USP32: variants seen among roughly 807,000 people sequenced by gnomAD.
The protein encoded by USP32 is ubiquitin specific peptidase 32.
USP32 carries 59 observed loss-of-function variants against 204.8 expected under a neutral mutation model. The observed-to-expected ratio is 0.29, with a 90% CI of 0.23 to 0.36. The LOEUF is 0.36. USP32 is among the 10% of genes least tolerant of loss of function. The pLI is 1.00. For synonymous variants in USP32, 517 were observed against 678.4 expected, an observed-to-expected ratio of 0.76 and a Z score of 3.70; for missense variants, 1,160 against 1,946.4, an observed-to-expected ratio of 0.60 and a Z score of 7.60.
rs568605333 is a variant in USP32, at chr17:60,372,678, A to G, written c.58+19204T>C. Among the ~76,000 whole-genome samples, 46 of 150,074 alleles carry G rather than the reference A, an allele frequency of 3.1e-4. No individual in the cohort carries two copies. The East Asian group carries it at 8.4e-3, about 27-fold the overall frequency. On this transcript the variant is annotated intron_variant, in intron 1 of 33. Transcript: ENST00000300896. ...AACACAGTAAGACCCCGTTCTCTAC[A>G]TTAAAAAAAAAAAAAGAAAAATTTC... is the stretch of plus-strand genomic sequence containing the variant.
intron 2 of USP32, among the ~76,000 whole-genome samples, chr17:60,316,956 T>C (rs1191048463): frequency 6.6e-6 from 1 of 152,192 alleles, no homozygotes; most frequent in African/African-American, 2.4e-5. Flanking sequence ...AAATATTGTA[T>C]GATTCCACTA....
At position 60,328,576 on chromosome 17, in the gene USP32, G is replaced by A. The variant is rs186325842; in HGVS notation, c.186+16905C>T. On this transcript the variant is annotated intron_variant, in intron 2 of 33. Coordinates refer to ENST00000300896, the MANE Select transcript of USP32 (RefSeq NM_032582.4). ...ACAAAAGCTTGGGATCCACTAAATGGCAAGGCTAAAAGAGCTATAACATAA... is the reference window on the plus strand; with the variant it reads ...ACAAAAGCTTGGGATCCACTAAATGACAAGGCTAAAAGAGCTATAACATAA... Among the ~76,000 whole-genome samples, 4 of 152,268 alleles carry A rather than the reference G, an allele frequency of 2.6e-5. 1 individual carries two copies. The highest frequency in any genetic ancestry group is 2.6e-4 in the Admixed American group (4 of 15,294).
intron 26 of USP32, among the ~76,000 whole-genome samples, chr17:60,202,443 T>TCA (rs377613629): frequency 0.15 from 21,028 of 140,538 alleles, 1,737 homozygotes; most frequent in African/African-American, 0.26. Context: ...GCTTATCAAA[T>TCA]CACACACACA....
intron 9 of USP32, chr17:60,258,042 A>G: frequency 6.3e-6 from 1 of 158,456 alleles, no homozygotes. Context: ...AGAAGAAAAA[A>G]GGGAGCAAGC....
At chr17:60,239,585 A>G (rs1434427845) in intron 11 of USP32, among the ~76,000 whole-genome samples, 1 of 152,142 alleles carries the variant, frequency 6.6e-6, no homozygotes, top group South Asian at 2.1e-4. Flanking sequence ...CTGCCTGCTC[A>G]TATCTGATGG....
chr17:60,202,052 C>G (rs1286732106), intron 26 of USP32, among the ~76,000 whole-genome samples: 1 of 152,106 alleles, frequency 6.6e-6, no homozygotes, highest in Non-Finnish European at 1.5e-5. Flanking sequence ...AGGGCTGTTT[C>G]ATTGTTTTGC....
At chr17:60,393,956 T>C (rs1479872683), upstream of USP32, among the ~76,000 whole-genome samples, 1 of 152,200 alleles carries the variant, frequency 6.6e-6, no homozygotes, top group Non-Finnish European at 1.5e-5. Context: ...AGTGCTGGGA[T>C]TACAGGCGTG....
intron 2 of USP32, among the ~76,000 whole-genome samples, chr17:60,328,065 C>A (rs2088289149): frequency 6.6e-6 from 1 of 152,326 alleles, no homozygotes; most frequent in East Asian, 1.9e-4. Flanking sequence ...GGGGGCAGGT[C>A]CCCACTGAGG....
rs1025396343 is a variant in USP32, at chr17:60,362,567, A to G, written c.59-16959T>C. ...CACAGGAAATCTGTTGTATACTTAA[A>G]CGCTGCAGGAGAGTCTTAAACATAT... On this transcript the variant is annotated intron_variant, in intron 1 of 33. Transcript: ENST00000300896. Among the ~76,000 whole-genome samples the G allele has an allele frequency of 7.2e-5, 11 of 152,352 alleles. No individual in the cohort carries two copies. In the East Asian group the frequency reaches 2.1e-3, roughly 29 times the overall value.
At chr17:60,319,497 G>A (rs2145936348) in intron 2 of USP32, among the ~76,000 whole-genome samples, 1 of 152,358 alleles carries the variant, frequency 6.6e-6, no homozygotes, top group Non-Finnish European at 1.5e-5. Context: ...ACTTCTGCGA[G>A]CTAGGCACAG....
intron 3 of USP32, among the ~76,000 whole-genome samples, chr17:60,300,895 C>T (rs2087557768): frequency 2.0e-5 from 3 of 152,154 alleles, no homozygotes; most frequent in Admixed American, 6.5e-5. Flanking sequence ...TCATTTTCTG[C>T]CACTGTAGAT....
chr17:60,360,012 C>A (rs1327550335), intron 1 of USP32, among the ~76,000 whole-genome samples: 1 of 151,934 alleles, frequency 6.6e-6, no homozygotes, highest in Admixed American at 6.6e-5. Context: ...GGACTACAGG[C>A]GCCCACCACC....
intron 9 of USP32, chr17:60,256,579 G>T: frequency 1.7e-6 from 1 of 580,044 alleles, no homozygotes; most frequent in Non-Finnish European, 2.2e-6. Context: ...TTCCATGTCT[G>T]CATGAATTTT....
chr17:60,232,641 G>A (rs2085601432), intron 12 of USP32, among the ~76,000 whole-genome samples: 1 of 151,010 alleles, frequency 6.6e-6, no homozygotes, highest in Non-Finnish European at 1.5e-5. Flanking sequence ...CTGCCTCCTA[G>A]GTTCGAGCTA....
Position 60,179,079 on chromosome 17 carries a change from A to G in USP32, c.*176T>C. The G allele has an allele frequency of 1.4e-6, 1 of 739,740 alleles. No homozygotes were observed. The highest frequency in any genetic ancestry group is 2.1e-6 in the Non-Finnish European group (1 of 479,464). 45.8% of individuals were successfully genotyped at this position (739,740 alleles called of 1,614,324 possible). ...AGAGCTTGTATGAGACTTCAAAATA[A>G]AATGATTACTACTCTTAAAGTTAAC... is the stretch of plus-strand genomic sequence containing the variant. On this transcript the variant is annotated 3_prime_UTR_variant, in exon 34 of 34. Transcript: ENST00000300896.
intron 9 of USP32, 25 bp from the exon 10 acceptor site, chr17:60,255,283 G>T: frequency 1.4e-6 from 2 of 1,479,136 alleles, no homozygotes; most frequent in Non-Finnish European, 1.8e-6. Flanking sequence ...CTCATGTTAG[G>T]AACATCTTTT....
At chr17:60,277,918 CTTTTT>C (rs11422765) in intron 5 of USP32, among the ~76,000 whole-genome samples, 39 of 132,696 alleles carry the variant, frequency 2.9e-4, no homozygotes, top group Middle Eastern at 3.8e-3. Flanking sequence ...ATAATAGTTC[CTTTTT>C]TTTTTTTTTT....
chr17:60,308,039 T>G (rs1249504258), intron 2 of USP32, among the ~76,000 whole-genome samples: 1 of 152,128 alleles, frequency 6.6e-6, no homozygotes, highest in African/African-American at 2.4e-5. Context: ...GAGGCCCGAC[T>G]CCAGGGGAAA....
At chr17:60,418,480 A>C (rs566732716) in intron 1 of USP32, among the ~76,000 whole-genome samples, 1 of 151,720 alleles carries the variant, frequency 6.6e-6, no homozygotes, top group South Asian at 2.1e-4. Context: ...TGTCACCAAA[A>C]GCAGTTTCAA....
Sources: allele counts gnomAD v4.1 joint callset (sites outside exome capture counted in the v4.1 genomes callset), GRCh38; gene constraint gnomAD v4.1.1; transcripts MANE v1.5; gene names NCBI Gene and HGNC (gene_info 2026-07-23, HGNC 2026-07-21).